The following LIMK1 variants were observed in gnomAD, a reference collection of about 807,000 sequenced individuals.
LIMK1 encodes the protein LIM domain kinase 1.
A neutral mutation model predicts 77.6 loss-of-function variants in LIMK1; 21 were observed. That is an observed-to-expected ratio of 0.27 (90% CI 0.19 to 0.39). LIMK1 has a LOEUF of 0.39. Ranked by LOEUF, LIMK1 falls within the 10% of genes least tolerant of loss-of-function variation. LIMK1 has a pLI of 1.00. For missense variants in LIMK1, 696 were observed against 901.6 expected (o/e 0.77, Z 2.92); for synonymous variants, 358 against 370.0 (o/e 0.97, Z 0.37).
At chr7:74,096,068 G>A (rs371451964) in intron 2 of LIMK1, among the ~76,000 whole-genome samples, 44 of 149,370 alleles carry the variant, frequency 2.9e-4, no homozygotes, top group Non-Finnish European at 5.5e-4. Context: ...AGGTTCAAGC[G>A]ATTCTTCTGC....
intron 9 of LIMK1, 132 bp from the exon 10 acceptor site, chr7:74,108,773 G>A: frequency 7.1e-7 from 1 of 1,416,628 alleles, no homozygotes; most frequent in East Asian, 2.5e-5. Flanking sequence ...GGCAGAGGCA[G>A]GAGAGGGGAG....
At chr7:74,089,870 G>C (rs1198607911) in intron 2 of LIMK1, among the ~76,000 whole-genome samples, 11 of 152,116 alleles carry the variant, frequency 7.2e-5, no homozygotes, top group Non-Finnish European at 5.9e-5. Flanking sequence ...GGGGACCCCT[G>C]TGTCTGCGGT....
At chr7:74,088,476 C>A (rs536770469) in intron 2 of LIMK1, among the ~76,000 whole-genome samples, 1 of 152,074 alleles carries the variant, frequency 6.6e-6, no homozygotes, top group African/African-American at 2.4e-5. Context: ...GAGACCGATT[C>A]GTGAAGGGCC....
chr7:74,097,106 C>T lies in LIMK1; in HGVS notation c.318C>T (p.Pro106=), dbSNP rs148361863. Residue 106 remains proline (P), a synonymous_variant, in exon 4 of 16, where the codon CCC becomes CCT. Coordinates refer to ENST00000336180, the MANE Select transcript of LIMK1 (RefSeq NM_002314.4). The stretch of plus-strand genomic sequence containing the variant: ...TGGCTGGGGAGCTGAAGTACCACCC[C>T]GAGTGTTTCATCTGCCTCACGTGTG... ...VMVAGELKYH[P]ECFICLTCGT... 34 of 1,613,526 alleles carry T rather than the reference C, an allele frequency of 2.1e-5. No homozygotes were observed. Among genetic ancestry groups the T allele is most frequent in the Admixed American group, 1.8e-4 (11 of 59,960 alleles).
intron 2 of LIMK1, among the ~76,000 whole-genome samples, chr7:74,088,390 C>T (rs909229615): frequency 4.6e-5 from 7 of 152,074 alleles, no homozygotes; most frequent in Admixed American, 1.3e-4. Context: ...TGGGATGGTG[C>T]GGACTGCTGA....
At chr7:74,116,390 G>A (rs1799812847) in intron 13 of LIMK1, among the ~76,000 whole-genome samples, 2 of 152,114 alleles carry the variant, frequency 1.3e-5, no homozygotes, top group Non-Finnish European at 2.9e-5. Context: ...CTCCAGCCTG[G>A]GTGACGAGCG....
At chr7:74,100,736 T>C (rs1472714293) in intron 5 of LIMK1, among the ~76,000 whole-genome samples, 2 of 138,260 alleles carry the variant, frequency 1.4e-5, no homozygotes, top group African/African-American at 5.4e-5. Flanking sequence ...GCTTTCTCTC[T>C]CTCTTTTTTT....
chr7:74,084,449 G>T (rs1468704169), intron 1 of LIMK1, among the ~76,000 whole-genome samples: 1 of 152,168 alleles, frequency 6.6e-6, no homozygotes, highest in African/African-American at 2.4e-5. Context: ...GCCGCCGGGC[G>T]CCTGCCCGGC....
At chr7:74,118,162 G>A (rs1554699905) in intron 13 of LIMK1, among the ~76,000 whole-genome samples, 1 of 150,844 alleles carries the variant, frequency 6.6e-6, no homozygotes, top group Non-Finnish European at 1.5e-5. Context: ...GGATCACGAG[G>A]TCAAGAGATT....
In LIMK1 at chr7:74,084,022, G is replaced by C; in HGVS notation, c.32G>C (p.Arg11Thr). The C allele has an allele frequency of 1.3e-6, 2 of 1,496,016 alleles. No individual in the cohort carries two copies. Among genetic ancestry groups the C allele is most frequent in the Non-Finnish European group, 1.8e-6 (2 of 1,117,602 alleles). The allele number at this position is 1,496,016 out of a possible 1,614,324, so 92.7% of individuals were successfully genotyped here. A position where few individuals can be genotyped will look rare whatever the true frequency, so the allele number is the denominator to read the frequency against. MRLTLLCCTW[R>T]EERMGEEGSE... ...TTGACGCTACTTTGTTGCACCTGGAGGGAAGAACGTATGGGAGAGGAAGGT... is the reference window on the plus strand; with the variant it reads ...TTGACGCTACTTTGTTGCACCTGGACGGAAGAACGTATGGGAGAGGAAGGT... The change falls in exon 1 of 16, where the codon AGG (arginine) becomes ACG (threonine). Residue 11 changes from arginine to threonine, a missense_variant. By Grantham distance (71) the Arg-to-Thr change is moderately conservative. Coordinates refer to ENST00000336180, the MANE Select transcript of LIMK1 (RefSeq NM_002314.4).
At position 74,121,443 on chromosome 7, in the gene LIMK1, C is replaced by T; in HGVS notation, c.*142C>T. ...CAGGCCCTGACTTGCCTTCTCCCAC[C>T]CCGTGGACCGCTTCCCCTGCCTTCT... On this transcript the variant is annotated 3_prime_UTR_variant, in exon 16 of 16. Transcript: ENST00000336180. 1 of 828,526 alleles carries T rather than the reference C, an allele frequency of 1.2e-6. No homozygotes were observed. 51.3% of individuals were successfully genotyped at this position (828,526 alleles called of 1,614,324 possible). A position where few individuals can be genotyped will look rare whatever the true frequency, so the allele number is the denominator to read the frequency against.
intron 2 of LIMK1, 22 bp downstream of exon 2, chr7:74,085,866 C>T (rs1373241615): frequency 1.3e-6 from 2 of 1,524,062 alleles, no homozygotes; most frequent in Non-Finnish European, 1.8e-6. Flanking sequence ...TGCCCAGGGC[C>T]TGTGTTGCCC....
rs138833897 is a variant in LIMK1 at position 74,111,695 on chromosome 7, C to T, written c.1332C>T (p.Ile444=). The change falls in exon 11 of 16, where the codon ATC becomes ATT. Residue 444 remains isoleucine (I), a synonymous_variant. Transcript: ENST00000336180. ...AGAGAGTGAGCTTTGCCAAGGACAT[C>T]GCATCAGGGATGGTGAGTGAGCCGG... ...WSQRVSFAKD[I]ASGMAYLHSM... is the part of the protein sequence containing the mutation. 7 of 1,612,994 alleles carry T rather than the reference C, an allele frequency of 4.3e-6. No individual in the cohort carries two copies. Among genetic ancestry groups the T allele is most frequent in the East Asian group, 4.5e-5 (2 of 44,860 alleles).
intron 12 of LIMK1, among the ~76,000 whole-genome samples, chr7:74,114,784 A>G (rs549840413): frequency 1.7e-4 from 26 of 151,610 alleles, no homozygotes; most frequent in East Asian, 3.9e-4. Flanking sequence ...GCATGGTGGC[A>G]GGCGCCTGTA....
chr7:74,112,277 T>C (rs1167283041), intron 12 of LIMK1, among the ~76,000 whole-genome samples: 2 of 152,032 alleles, frequency 1.3e-5, no homozygotes, highest in Non-Finnish European at 2.9e-5. Flanking sequence ...GAAAGTGACA[T>C]GTAAGCTACA....
rs1366186026 is a variant in LIMK1 at position 74,111,765 on chromosome 7, A to T, written c.1344+58A>T. 1.9e-6 allele frequency: 3 copies of T among 1,554,208 alleles called. No individual in the cohort carries two copies. In the African/African-American group the frequency reaches 4.1e-5, roughly 21 times the overall value. ...AATCCCACCAGGAATTTGCAAACAGAACCCACAAAGAAGCTTTGAAAGAGG... is the reference window on the plus strand; with the variant it reads ...AATCCCACCAGGAATTTGCAAACAGTACCCACAAAGAAGCTTTGAAAGAGG... On this transcript the variant is annotated intron_variant, in intron 11 of 15. Coordinates refer to ENST00000336180, the MANE Select transcript of LIMK1 (RefSeq NM_002314.4).
At chr7:74,091,163 A>G (rs1280334954) in intron 2 of LIMK1, among the ~76,000 whole-genome samples, 38 of 151,916 alleles carry the variant, frequency 2.5e-4, no homozygotes, top group Admixed American at 2.5e-3. Flanking sequence ...TGACCTCGTG[A>G]TCCGCCCACC....
At chr7:74,102,867 CT>C (rs200075270) in intron 5 of LIMK1, among the ~76,000 whole-genome samples, 466 of 135,396 alleles carry the variant, frequency 3.4e-3, no homozygotes, top group Middle Eastern at 0.012. Flanking sequence ...TCATCAGTAT[CT>C]TTTTTTTTTT....
At chr7:74,085,641 C>CGAG (rs1349084911) in intron 1 of LIMK1, 107 bp from the exon 2 acceptor site, 2 of 861,976 alleles carry the variant, frequency 2.3e-6, no homozygotes, top group Non-Finnish European at 3.8e-6. Context: ...GTGCAGTGTG[C>CGAG]GAGGATTGGT....
Sources: allele counts gnomAD v4.1 joint callset (sites outside exome capture counted in the v4.1 genomes callset), GRCh38; gene constraint gnomAD v4.1.1; transcripts MANE v1.5; gene names NCBI Gene and HGNC (gene_info 2026-07-23, HGNC 2026-07-21).